SGIP1: variants seen among roughly 807,000 people sequenced by gnomAD.
SGIP1 encodes the protein SH3-containing GRB2-like protein 3-interacting protein 1.
In SGIP1, 38 loss-of-function variants were observed where a neutral mutation model predicts 107.5. The ratio of observed to expected loss-of-function variants is 0.35; its 90% CI spans 0.27 to 0.46. The LOEUF (loss-of-function observed/expected upper bound fraction) is 0.46. Ranked by LOEUF, SGIP1 falls within the 20% of genes least tolerant of loss-of-function variation. The probability of loss-of-function intolerance (pLI) is 1.00; values close to 1 mark genes in which losing one functional copy is unlikely to be tolerated. For missense variants in SGIP1, 929 were observed against 1,019.5 expected (o/e 0.91, Z 1.21); for synonymous variants, 365 against 366.1 (o/e 1.00, Z 0.03).
chr1:66,718,849 A>T (rs2150424671), intron 18 of SGIP1, among the ~76,000 whole-genome samples: 1 of 152,310 alleles, frequency 6.6e-6, no homozygotes, highest in East Asian at 1.9e-4. Flanking sequence ...AAAAGTGGGT[A>T]ATGTGATACC....
chr1:66,708,259 G>A (rs1486195553), intron 18 of SGIP1, among the ~76,000 whole-genome samples: 1 of 152,176 alleles, frequency 6.6e-6, no homozygotes, highest in African/African-American at 2.4e-5. Context: ...GGCATGTAAT[G>A]TGTTTAGCAC....
chr1:66,549,545 A>G (rs1345273732), intron 1 of SGIP1, among the ~76,000 whole-genome samples: 1 of 152,180 alleles, frequency 6.6e-6, no homozygotes, highest in Non-Finnish European at 1.5e-5. Context: ...ATGTGTGTGT[A>G]GAGTCAAACA....
intron 3 of SGIP1, among the ~76,000 whole-genome samples, chr1:66,634,901 A>G (rs1297552343): frequency 6.6e-6 from 1 of 152,204 alleles, no homozygotes; most frequent in Non-Finnish European, 1.5e-5. Flanking sequence ...GTCTGCATTC[A>G]GTTCTCAGAG....
At chr1:66,618,976 GT>G (rs748729042) in intron 1 of SGIP1, among the ~76,000 whole-genome samples, 5 of 152,128 alleles carry the variant, frequency 3.3e-5, no homozygotes, top group Non-Finnish European at 7.4e-5. Context: ...CCCTACTTCA[GT>G]TTTTGGAAGC....
chr1:66,749,678 G>T lies in SGIP1; in HGVS notation c.*6583G>T. Among the ~76,000 whole-genome samples the T allele has an allele frequency of 6.6e-6, 1 of 152,002 alleles. No homozygotes were observed. The highest frequency in any genetic ancestry group is 1.9e-4 in the East Asian group (1 of 5,180). On this transcript the variant is annotated 3_prime_UTR_variant, in exon 25 of 25. Coordinates refer to ENST00000371037, the MANE Select transcript of SGIP1 (RefSeq NM_032291.4). Reference sequence around the variant, plus strand: ...CATAAGCCATTTATAATTTTTAAACGTTCCATTGAATGAGTATATCATACA... The same window carrying T: ...CATAAGCCATTTATAATTTTTAAACTTTCCATTGAATGAGTATATCATACA...
At chr1:66,569,261 T>C (rs1422836919) in intron 1 of SGIP1, among the ~76,000 whole-genome samples, 1 of 151,964 alleles carries the variant, frequency 6.6e-6, no homozygotes, top group Admixed American at 6.6e-5. Context: ...TGGTGCAATG[T>C]TGAAAGGGAG....
In SGIP1 at chr1:66,642,831, G is replaced by A; in HGVS notation, c.250G>A (p.Glu84Lys). 6.2e-7 allele frequency: 1 copy of A among 1,612,576 alleles called. No individual in the cohort carries two copies. The highest frequency in any genetic ancestry group is 8.5e-7 in the Non-Finnish European group (1 of 1,179,370). The change falls in exon 6 of 25, where the codon GAA (glutamate) becomes AAA (lysine). Residue 84 changes from glutamate to lysine, a missense_variant. Glu to Lys is a moderately conservative substitution (Grantham distance 56). Transcript: ENST00000371037. ...ERYNSPELDE[E>K]GYSIRPEEPG... ...ATAGAACTCACCTGAGCTGGATGAA[G>A]AAGGCTACAGCATCAGACCCGAGGA...
In SGIP1 at chr1:66,534,382, T is replaced by TG. The variant is rs1287562497; in HGVS notation, c.10+15dup. The TG allele has an allele frequency of 5.6e-6, 9 of 1,613,968 alleles. No individual in the cohort carries two copies. Among genetic ancestry groups the TG allele is most frequent in the Non-Finnish European group, 7.6e-6 (9 of 1,179,946 alleles). On this transcript the variant is annotated intron_variant, in intron 1 of 24. Coordinates refer to ENST00000371037, the MANE Select transcript of SGIP1 (RefSeq NM_032291.4). Reference sequence around the variant, plus strand: ...CCATGATGGAAGGTAGGATGCTTTCTGCTATGGTTGACTGGCTTCAGGCAA... The same window carrying TG: ...CCATGATGGAAGGTAGGATGCTTTCTGGCTATGGTTGACTGGCTTCAGGCAA...
chr1:66,693,016 A>G (rs980174428), intron 17 of SGIP1, among the ~76,000 whole-genome samples: 1 of 152,186 alleles, frequency 6.6e-6, no homozygotes, highest in Non-Finnish European at 1.5e-5. Context: ...TTTTTATACG[A>G]CTAAGAAAGG....
rs780561618 is a variant in SGIP1, at chr1:66,689,123, A to G, written c.1316-25A>G. The G allele has an allele frequency of 1.9e-6, 3 of 1,603,210 alleles. No homozygotes were observed. The East Asian group carries it at 6.7e-5, about 36-fold the overall frequency. On this transcript the variant is annotated intron_variant, in intron 15 of 24. Coordinates refer to ENST00000371037, the MANE Select transcript of SGIP1 (RefSeq NM_032291.4). ...GCTTTGGCCCCCTGTGTTTCCAGCC[A>G]TTTTAATGCTAGTTTGTTTTTCAGG...
intron 19 of SGIP1, 90 bp from the exon 20 acceptor site, chr1:66,729,174 T>G: frequency 1.4e-6 from 2 of 1,418,884 alleles, no homozygotes; most frequent in East Asian, 4.6e-5. Context: ...TATTTAACAT[T>G]GCCTCATAAA....
chr1:66,636,649 T>C (rs2075832915), intron 4 of SGIP1, among the ~76,000 whole-genome samples: 1 of 152,210 alleles, frequency 6.6e-6, no homozygotes, highest in Non-Finnish European at 1.5e-5. Flanking sequence ...TCTTCACAGA[T>C]ATTTCTATTG....
chr1:66,662,267 A>G (rs572086536), intron 8 of SGIP1, among the ~76,000 whole-genome samples: 13 of 152,358 alleles, frequency 8.5e-5, no homozygotes, highest in African/African-American at 3.1e-4. Context: ...GAGACTACAG[A>G]AAAGTCTTAT....
intron 13 of SGIP1, among the ~76,000 whole-genome samples, chr1:66,678,909 A>T (rs997025179): frequency 6.6e-6 from 1 of 152,222 alleles, no homozygotes; most frequent in Non-Finnish European, 1.5e-5. Flanking sequence ...AACTCTTTGA[A>T]TCTACCAGAT....
chr1:66,655,456 C>G (rs1232135083), intron 7 of SGIP1, among the ~76,000 whole-genome samples: 2 of 152,150 alleles, frequency 1.3e-5, no homozygotes, highest in Admixed American at 6.5e-5. Flanking sequence ...TTGCCGTCTT[C>G]TAAAATACTA....
chr1:66,638,895 T>G (rs1031586865), intron 4 of SGIP1, among the ~76,000 whole-genome samples: 2 of 152,208 alleles, frequency 1.3e-5, no homozygotes, highest in African/African-American at 2.4e-5. Context: ...CGCAGTGACA[T>G]ACCCTTGCTC....
chr1:66,647,653 A>T (rs2077886500), intron 7 of SGIP1, among the ~76,000 whole-genome samples: 1 of 152,150 alleles, frequency 6.6e-6, no homozygotes, highest in Non-Finnish European at 1.5e-5. Context: ...GTACCTATTA[A>T]ATCCAGAATG....
intron 8 of SGIP1, among the ~76,000 whole-genome samples, chr1:66,661,735 A>T (rs1398177979): frequency 6.6e-6 from 1 of 152,120 alleles, no homozygotes; most frequent in African/African-American, 2.4e-5. Flanking sequence ...TCCTGAATTA[A>T]CCAAATTTGG....
At chr1:66,690,530 GTGTTTTGCAGGAATTTTCTTATGC>G (rs1256854433) in intron 17 of SGIP1, 1 of 580,456 alleles carries the variant, frequency 1.7e-6, no homozygotes, top group Non-Finnish European at 3.0e-6. Context: ...ATTAACACCT[GTGTTTTGCAGGAATTTTCTTATGC>G]TGTTCCATAC....
Sources: allele counts gnomAD v4.1 joint callset (sites outside exome capture counted in the v4.1 genomes callset), GRCh38; gene constraint gnomAD v4.1.1; transcripts MANE v1.5; gene names NCBI Gene and HGNC (gene_info 2026-07-23, HGNC 2026-07-21).